The following MECOM variants were observed in gnomAD, a reference collection of about 807,000 sequenced individuals.
The protein encoded by MECOM is MDS1 and EVI1 complex locus, also known as histone-lysine N-methyltransferase MECOM.
MECOM carries 13 observed loss-of-function variants against 116.3 expected under a neutral mutation model. The ratio of observed to expected loss-of-function variants is 0.11; its 90% CI spans 0.07 to 0.18. The LOEUF (loss-of-function observed/expected upper bound fraction) is 0.18. Ranked by LOEUF, MECOM falls within the 10% of genes least tolerant of loss-of-function variation. MECOM has a pLI of 1.00. For synonymous variants in MECOM, 528 were observed against 535.2 expected, an observed-to-expected ratio of 0.99 and a Z score of 0.19; for missense variants, 1,299 against 1,509.0, an observed-to-expected ratio of 0.86 and a Z score of 2.31.
At chr3:169,152,227 C>T (rs1577193680) in intron 2 of MECOM, among the ~76,000 whole-genome samples, 1 of 151,790 alleles carries the variant, frequency 6.6e-6, no homozygotes, top group East Asian at 1.9e-4. Context: ...TGGACTCTGC[C>T]TTTTTTTATT....
At chr3:169,247,932 A>G (rs1301687195) in intron 2 of MECOM, among the ~76,000 whole-genome samples, 1 of 152,212 alleles carries the variant, frequency 6.6e-6, no homozygotes, top group Non-Finnish European at 1.5e-5. Flanking sequence ...TTGGGTCAAT[A>G]TGATACCAAC....
chr3:169,599,481 C>A, intron 1 of MECOM, among the ~76,000 whole-genome samples: 1 of 148,654 alleles, frequency 6.7e-6, no homozygotes, highest in South Asian at 2.1e-4. Context: ...CCACTGCACT[C>A]CAACCTGGCG....
chr3:169,170,229 G>A lies in MECOM; in HGVS notation c.376-26397C>T, dbSNP rs147151296. 3.2e-3 allele frequency among the ~76,000 whole-genome samples: 484 copies of A among 151,882 alleles called. 3 individuals are homozygous for A. Among genetic ancestry groups the A allele is most frequent in the African/African-American group, 0.011 (459 of 41,386 alleles). On this transcript the variant is annotated intron_variant, in intron 2 of 16. Transcript: ENST00000651503. ...AGATCGAGACCATCCTGGCCAACAT[G>A]GTGAAACCCCATCTCTACTAAAAAT... is the stretch of plus-strand genomic sequence containing the variant.
rs549346481 is a variant in MECOM at position 169,534,487 on chromosome 3, T to C, written c.37+128849A>G. On this transcript the variant is annotated intron_variant, in intron 1 of 16. Transcript: ENST00000651503. ...TCTTTCACTGTCATAAGTGTGTCAT[T>C]TTGGATAAAAATTATGTGGTCATAC... Among the ~76,000 whole-genome samples, 274 of 152,232 alleles carry C rather than the reference T, an allele frequency of 1.8e-3. 2 individuals carry two copies. Among genetic ancestry groups the C allele is most frequent in the African/African-American group, 6.3e-3 (262 of 41,548 alleles).
At chr3:169,263,809 C>G (rs1757929899) in intron 2 of MECOM, among the ~76,000 whole-genome samples, 2 of 151,848 alleles carry the variant, frequency 1.3e-5, no homozygotes. Context: ...AATATGAGCA[C>G]AAATCCTAAA....
chr3:169,467,719 C>T (rs570355897), intron 1 of MECOM, among the ~76,000 whole-genome samples: 13 of 152,184 alleles, frequency 8.5e-5, no homozygotes, highest in East Asian at 7.7e-4. Flanking sequence ...TTTCATTGTT[C>T]GCTGACACTG....
At chr3:169,653,870 C>G (rs911486298) in intron 1 of MECOM, among the ~76,000 whole-genome samples, 1 of 152,268 alleles carries the variant, frequency 6.6e-6, no homozygotes, top group Non-Finnish European at 1.5e-5. Flanking sequence ...AGCCAGGATT[C>G]AAACCCAGGC....
chr3:169,313,798 A>T (rs1048737217), intron 2 of MECOM, among the ~76,000 whole-genome samples: 1 of 152,226 alleles, frequency 6.6e-6, no homozygotes, highest in African/African-American at 2.4e-5. Context: ...GGAGAATCAG[A>T]TCAAACTAGA....
chr3:169,633,570 C>A (rs1217103028), intron 1 of MECOM, among the ~76,000 whole-genome samples: 1 of 152,184 alleles, frequency 6.6e-6, no homozygotes, highest in Non-Finnish European at 1.5e-5. Flanking sequence ...TGCCAAGGAT[C>A]TAGCACTGCC....
intron 1 of MECOM, among the ~76,000 whole-genome samples, chr3:169,473,735 C>T (rs1174331594): frequency 6.6e-6 from 1 of 152,070 alleles, no homozygotes; most frequent in Non-Finnish European, 1.5e-5. Context: ...CTCCACTGCA[C>T]TCCAGCCTGG....
chr3:169,425,777 A>G (rs1003338792), intron 1 of MECOM, among the ~76,000 whole-genome samples: 5 of 152,222 alleles, frequency 3.3e-5, no homozygotes, highest in African/African-American at 9.6e-5. Flanking sequence ...GTCCAACAAT[A>G]GAAGCTTTGA....
chr3:169,378,162 G>A (rs1418456567), intron 2 of MECOM, among the ~76,000 whole-genome samples: 1 of 151,360 alleles, frequency 6.6e-6, no homozygotes, highest in Non-Finnish European at 1.5e-5. Context: ...TCACACACCA[G>A]AGCCTGTCAG....
chr3:169,350,429 G>A (rs1196013297), intron 2 of MECOM, among the ~76,000 whole-genome samples: 1 of 151,828 alleles, frequency 6.6e-6, no homozygotes, highest in Non-Finnish European at 1.5e-5. Flanking sequence ...CTAACATTGA[G>A]CTGAATCACA....
At chr3:169,106,360 CAT>C (rs1395976949) in intron 10 of MECOM, among the ~76,000 whole-genome samples, 1 of 152,010 alleles carries the variant, frequency 6.6e-6, no homozygotes, top group African/African-American at 2.4e-5. Flanking sequence ...GAGATGTTTT[CAT>C]ACAGGCATAC....
At position 169,630,127 on chromosome 3, in the gene MECOM, AG is replaced by A. The variant is rs1771903419; in HGVS notation, c.37+33208del. ...AACATGCCTTCTCTCCTCAACACACAGCAGCTCCCTGTCATGACCCCCTGCT... is the reference window on the plus strand; with the variant it reads ...AACATGCCTTCTCTCCTCAACACACACAGCTCCCTGTCATGACCCCCTGCT... On this transcript the variant is annotated intron_variant, in intron 1 of 16. Coordinates refer to ENST00000651503, the MANE Select transcript of MECOM (RefSeq NM_004991.4). Among the ~76,000 whole-genome samples, 3 of 152,262 alleles carry A rather than the reference AG, an allele frequency of 2.0e-5. No homozygotes were observed. The South Asian group carries it at 6.2e-4, about 32-fold the overall frequency.
chr3:169,505,848 T>C (rs189235114), intron 1 of MECOM, among the ~76,000 whole-genome samples: 32 of 152,332 alleles, frequency 2.1e-4, no homozygotes, highest in African/African-American at 6.3e-4. Context: ...TCTTTCTCTG[T>C]CTTTATCATA....
chr3:169,093,214 T>A (rs1298341081), intron 13 of MECOM, 112 bp from the exon 14 acceptor site: 3 of 1,046,966 alleles, frequency 2.9e-6, no homozygotes, highest in Admixed American at 5.5e-5. Context: ...ACATGCCCTA[T>A]GAATATTAAT....
intron 2 of MECOM, among the ~76,000 whole-genome samples, chr3:169,174,031 C>A (rs769749341): frequency 4.6e-5 from 7 of 152,136 alleles, no homozygotes; most frequent in Non-Finnish European, 8.8e-5. Context: ...TCTCTTTGCC[C>A]AGCATATCCT....
chr3:169,659,601 C>T (rs531682866), intron 1 of MECOM, among the ~76,000 whole-genome samples: 65 of 151,954 alleles, frequency 4.3e-4, no homozygotes, highest in African/African-American at 1.5e-3. Context: ...CCTCGGCCTC[C>T]GTTGGGAGAA....
Sources: allele counts gnomAD v4.1 joint callset (sites outside exome capture counted in the v4.1 genomes callset), GRCh38; gene constraint gnomAD v4.1.1; transcripts MANE v1.5; gene names NCBI Gene and HGNC (gene_info 2026-07-23, HGNC 2026-07-21).